The following COPB2 variants were observed in gnomAD, a reference collection of about 807,000 sequenced individuals.
The protein encoded by COPB2 is coatomer subunit beta'.
In COPB2, 16 loss-of-function variants were observed where a neutral mutation model predicts 120.8. That is an observed-to-expected ratio of 0.13 (90% CI 0.09 to 0.20). The LOEUF (loss-of-function observed/expected upper bound fraction) is 0.20, where lower values mean the gene tolerates loss of function less well. Among genes scored for constraint, COPB2 ranks in the 10% least tolerant of loss-of-function variants. The pLI, the probability that COPB2 is intolerant of heterozygous loss-of-function variation, is 1.00. For synonymous variants in COPB2, 332 were observed against 366.3 expected (o/e 0.91, Z 1.07); for missense variants, 794 against 1,076.5 (o/e 0.74, Z 3.67).
intron 2 of COPB2, chr3:139,380,604 CAGAG>C (rs1396725008): frequency 1.3e-5 from 2 of 151,922 alleles, no homozygotes; most frequent in East Asian, 3.9e-4. Context: ...TTTTTTGTAT[CAGAG>C]AGCAAAAATG....
intron 1 of COPB2, among the ~76,000 whole-genome samples, chr3:139,387,125 C>T (rs1014805990): frequency 1.3e-5 from 2 of 151,766 alleles, no homozygotes; most frequent in Non-Finnish European, 2.9e-5. Context: ...GCTGCAGAAT[C>T]ACTTGAATCT....
rs771092999 is a variant in COPB2, at chr3:139,371,709, C to A, written c.1205+14G>T. ...CAATCAGGGCATGCTGGCTATCATA[C>A]AATCAAAACTTACTCTGAAGAATCG... On this transcript the variant is annotated intron_variant, in intron 10 of 21. Coordinates refer to ENST00000333188, the MANE Select transcript of COPB2 (RefSeq NM_004766.3). 38 of 1,608,802 alleles carry A rather than the reference C, an allele frequency of 2.4e-5. No homozygotes were observed. The South Asian group carries it at 4.2e-4, about 18-fold the overall frequency.
intron 1 of COPB2, 131 bp downstream of exon 1, chr3:139,389,417 C>A: frequency 7.6e-7 from 1 of 1,315,378 alleles, no homozygotes; most frequent in Non-Finnish European, 9.8e-7. Flanking sequence ...ACGACCAAGA[C>A]CCCGCAAGGC....
intron 15 of COPB2, 54 bp from the exon 16 acceptor site, chr3:139,362,571 G>T: frequency 9.7e-7 from 1 of 1,033,710 alleles, no homozygotes; most frequent in Non-Finnish European, 1.4e-6. Context: ...ATGTATGTAT[G>T]TTTTATATAT....
chr3:139,381,083 A>G (rs1447046130), intron 2 of COPB2: 1 of 152,226 alleles, frequency 6.6e-6, no homozygotes, highest in Non-Finnish European at 1.5e-5. Context: ...TAGGTTTCAT[A>G]CACAATTTTA....
At chr3:139,370,755 T>C (rs988566654) in intron 10 of COPB2, among the ~76,000 whole-genome samples, 1 of 152,072 alleles carries the variant, frequency 6.6e-6, no homozygotes, top group African/African-American at 2.4e-5. Flanking sequence ...CTTGGCTGGA[T>C]AGAGCTGAAA....
At chr3:139,382,617 G>C (rs1941835492) in intron 2 of COPB2, 1 of 152,182 alleles carries the variant, frequency 6.6e-6, no homozygotes, top group African/African-American at 2.4e-5. Context: ...TTCCTCAAAT[G>C]CGAATTTTAC....
At position 139,378,308 on chromosome 3, in the gene COPB2, T is replaced by C. The variant is rs985669271; in HGVS notation, c.356-119A>G. 25 of 964,572 alleles carry C rather than the reference T, an allele frequency of 2.6e-5. No individual in the cohort carries two copies. In the African/African-American group the frequency reaches 4.2e-4, roughly 16 times the overall value. The allele number at this position is 964,572 out of a possible 1,614,324, so 59.8% of individuals were successfully genotyped here. A position where few individuals can be genotyped will look rare whatever the true frequency, so the allele number is the denominator to read the frequency against. On this transcript the variant is annotated intron_variant, in intron 4 of 21. Transcript: ENST00000333188. The stretch of plus-strand genomic sequence containing the variant: ...CCATATAATCCATGACTTACAGAAA[T>C]AGAATCAAAACCAAATAGAGTTTTC...
chr3:139,361,411 T>G, intron 16 of COPB2, 116 bp from the exon 17 acceptor site: 1 of 1,025,012 alleles, frequency 9.8e-7, no homozygotes, highest in Non-Finnish European at 1.4e-6. Context: ...TTTGTTAAGT[T>G]GGCTCTATCA....
chr3:139,386,624 AT>A lies in COPB2; in HGVS notation c.3+2923del, dbSNP rs1232926815. On this transcript the variant is annotated intron_variant, in intron 1 of 21. Coordinates refer to ENST00000333188, the MANE Select transcript of COPB2 (RefSeq NM_004766.3). ...TCTGCCCCATAAATTACTATTACAAATTTTAACTTCTTTTTAAATCTCTATG... is the reference window on the plus strand; with the variant it reads ...TCTGCCCCATAAATTACTATTACAAATTTAACTTCTTTTTAAATCTCTATG... 2.0e-5 allele frequency among the ~76,000 whole-genome samples: 3 copies of A among 152,182 alleles called. No homozygotes were observed. In the East Asian group the frequency reaches 5.8e-4, roughly 29 times the overall value.
chr3:139,358,273 T>C lies in COPB2; in HGVS notation c.2554-2A>G. ...AGAAGCAGGTTTCCCATCAAGTTCC[T>C]GAAACCACAAGTGAAGATATATATG... On this transcript the variant is annotated splice_acceptor_variant, in intron 20 of 21. Coordinates refer to ENST00000333188, the MANE Select transcript of COPB2 (RefSeq NM_004766.3). LOFTEE classifies it high-confidence loss of function. 1 of 1,613,106 alleles carries C rather than the reference T, an allele frequency of 6.2e-7. No homozygotes were observed. The highest frequency in any genetic ancestry group is 8.5e-7 in the Non-Finnish European group (1 of 1,179,100).
intron 13 of COPB2, among the ~76,000 whole-genome samples, chr3:139,367,834 A>C (rs902342601): frequency 6.6e-6 from 1 of 152,226 alleles, no homozygotes; most frequent in Non-Finnish European, 1.5e-5. Flanking sequence ...ATGATTTACC[A>C]TTTGGGAGCT....
intron 1 of COPB2, among the ~76,000 whole-genome samples, chr3:139,386,864 G>A (rs1284297329): frequency 1.3e-5 from 2 of 151,896 alleles, no homozygotes; most frequent in Non-Finnish European, 2.9e-5. Flanking sequence ...AGCAACCCCA[G>A]TAAACCTCTA....
intron 19 of COPB2, 29 bp from the exon 20 acceptor site, chr3:139,358,841 G>C: frequency 6.4e-7 from 1 of 1,565,504 alleles, no homozygotes; most frequent in Non-Finnish European, 8.8e-7. Flanking sequence ...ATGATGAAAT[G>C]AGATATTCTG....
chr3:139,369,437 A>G lies in COPB2; in HGVS notation c.1294+19T>C. On this transcript the variant is annotated intron_variant, in intron 11 of 21. Coordinates refer to ENST00000333188, the MANE Select transcript of COPB2 (RefSeq NM_004766.3). ...ATTACAAAGAATTTAAAAATGTATC[A>G]TATGTAGATCACACTCACTTTCTGC... 6.2e-7 allele frequency: 1 copy of G among 1,606,250 alleles called. No individual in the cohort carries two copies. Among genetic ancestry groups the G allele is most frequent in the Non-Finnish European group, 8.5e-7 (1 of 1,175,720 alleles).
chr3:139,362,507 T>C lies in COPB2; in HGVS notation c.1895A>G (p.Gln632Arg). ...AHFLEKQGFK[Q>R]QALTVSTDPE... ...ATCTGTGGATACTGTAAGAGCTTGC[T>C]GCTTGAAGCCCTAAACAGATTTTTA... Residue 632 changes from glutamine to arginine, a missense_variant, in exon 16 of 22, where the codon CAG (glutamine) becomes CGG (arginine). By Grantham distance (43) the Gln-to-Arg change is conservative. Coordinates refer to ENST00000333188, the MANE Select transcript of COPB2 (RefSeq NM_004766.3). 6.2e-7 allele frequency: 1 copy of C among 1,604,980 alleles called. No individual in the cohort carries two copies. The highest frequency in any genetic ancestry group is 2.2e-5 in the East Asian group (1 of 44,660).
chr3:139,376,951 G>C (rs998805166), intron 5 of COPB2, among the ~76,000 whole-genome samples: 1 of 151,998 alleles, frequency 6.6e-6, no homozygotes, highest in Non-Finnish European at 1.5e-5. Flanking sequence ...GGGTTTCACC[G>C]TGTTAGCCAG....
At position 139,359,347 on chromosome 3, in the gene COPB2, T is replaced by C; in HGVS notation, c.2226A>G (p.Leu742=). The C allele has an allele frequency of 6.2e-7, 1 of 1,613,994 alleles. No homozygotes were observed. Among genetic ancestry groups the C allele is most frequent in the Non-Finnish European group, 8.5e-7 (1 of 1,179,858 alleles). The part of the protein sequence containing the change: ...YFLQGKVDAC[L]ELLIRTGRLP... ...GCCGTCCAGTTCTAATTAAGAGCTC[T>C]AGGCAGGCATCAACCCTAAACATTA... is the stretch of plus-strand genomic sequence containing the variant. The change falls in exon 18 of 22, where the codon CTA becomes CTG. Residue 742 remains leucine, a synonymous_variant. Transcript: ENST00000333188.
intron 2 of COPB2, chr3:139,380,003 CTTT>C (rs869062825): frequency 3.0e-5 from 3 of 101,364 alleles, no homozygotes; most frequent in African/African-American, 4.1e-5. Flanking sequence ...TTTTTCTTTT[CTTT>C]TTTTTTTTTT....
Sources: allele counts gnomAD v4.1 joint callset (sites outside exome capture counted in the v4.1 genomes callset), GRCh38; gene constraint gnomAD v4.1.1; transcripts MANE v1.5; gene names NCBI Gene and HGNC (gene_info 2026-07-23, HGNC 2026-07-21).